TMEM41B: variants seen among roughly 807,000 people sequenced by gnomAD.
TMEM41B encodes the protein protein stasimon.
TMEM41B carries 18 observed loss-of-function variants against 31.9 expected under a neutral mutation model. That is an observed-to-expected ratio of 0.56 (90% CI 0.39 to 0.84). The LOEUF (loss-of-function observed/expected upper bound fraction) is 0.84, where lower values mean the gene tolerates loss of function less well. Among genes scored for constraint, TMEM41B ranks in the 40% least tolerant of loss-of-function variants. TMEM41B has a pLI of 0.00. For synonymous variants in TMEM41B, 144 were observed against 124.3 expected (o/e 1.16, Z -1.05); for missense variants, 322 against 348.0 (o/e 0.93, Z 0.59).
intron 6 of TMEM41B, among the ~76,000 whole-genome samples, chr11:9,284,290 C>A (rs79654259): frequency 6.6e-6 from 1 of 151,784 alleles, no homozygotes; most frequent in Non-Finnish European, 1.5e-5. Flanking sequence ...GGACTACAGG[C>A]GTGTACCACC....
chr11:9,308,070 GAC>G (rs913480319), intron 1 of TMEM41B, among the ~76,000 whole-genome samples: 2 of 152,118 alleles, frequency 1.3e-5, no homozygotes, highest in African/African-American at 4.8e-5. Context: ...ACAGAGGCGA[GAC>G]ACAGTGGCTC....
intron 2 of TMEM41B, among the ~76,000 whole-genome samples, chr11:9,296,440 A>G (rs1374989037): frequency 6.6e-6 from 1 of 151,700 alleles, no homozygotes. Flanking sequence ...AGCCTGGCAA[A>G]CGTGTTGAAA....
Position 9,312,588 on chromosome 11 carries a change from T to C in TMEM41B, c.121+1733A>G, listed in dbSNP as rs1228919261. On this transcript the variant is annotated intron_variant, in intron 1 of 6. Coordinates refer to ENST00000528080, the MANE Select transcript of TMEM41B (RefSeq NM_015012.4). ...TGTCTTCCTATAGATTTGTGATCTA[T>C]AGATGTCATGGGACAGCATCATAAG... Among the ~76,000 whole-genome samples, 3 of 152,288 alleles carry C rather than the reference T, an allele frequency of 2.0e-5. No individual in the cohort carries two copies. The East Asian group carries it at 5.8e-4, about 29-fold the overall frequency.
intron 4 of TMEM41B, 140 bp from the exon 5 acceptor site, chr11:9,287,946 G>A: frequency 1.5e-6 from 1 of 677,142 alleles, no homozygotes; most frequent in Non-Finnish European, 2.5e-6. Flanking sequence ...CTTGTGCAGA[G>A]ATGATCTAGT....
Position 9,287,682 on chromosome 11 carries a change from A to G in TMEM41B, c.567+20T>C. On this transcript the variant is annotated intron_variant, in intron 5 of 6. Transcript: ENST00000528080. ...AATTAACAAAGAGTTACATCAAATA[A>G]TTTAAAAATACATGTTTACCTGCTG... The G allele has an allele frequency of 6.4e-7, 1 of 1,553,130 alleles. No homozygotes were observed. Among genetic ancestry groups the G allele is most frequent in the Non-Finnish European group, 8.8e-7 (1 of 1,133,610 alleles).
At chr11:9,289,265 G>A (rs11042265) in intron 3 of TMEM41B, among the ~76,000 whole-genome samples, 59,733 of 151,826 alleles carry the variant, frequency 0.39, 12,619 homozygotes, top group East Asian at 0.49. Flanking sequence ...CCAAAGTGTT[G>A]AGGTTACAGA....
intron 6 of TMEM41B, among the ~76,000 whole-genome samples, chr11:9,285,723 A>C (rs1852820924): frequency 6.6e-6 from 1 of 152,048 alleles, no homozygotes; most frequent in South Asian, 2.1e-4. Context: ...AAAAGGAAAA[A>C]TAGGATCAAT....
At chr11:9,299,163 C>T (rs1191016469) in intron 2 of TMEM41B, among the ~76,000 whole-genome samples, 1 of 151,420 alleles carries the variant, frequency 6.6e-6, no homozygotes, top group Non-Finnish European at 1.5e-5. Context: ...CCCCTATAAT[C>T]CCAGCTACTC....
intron 5 of TMEM41B, 103 bp downstream of exon 5, chr11:9,287,599 A>G: frequency 1.4e-6 from 1 of 694,212 alleles, no homozygotes; most frequent in Non-Finnish European, 2.3e-6. Flanking sequence ...TTAGGAATTA[A>G]TTTATGTTGG....
intron 2 of TMEM41B, 124 bp downstream of exon 2, chr11:9,299,460 C>A: frequency 1.5e-6 from 1 of 661,246 alleles, no homozygotes; most frequent in South Asian, 2.0e-5. Flanking sequence ...TGGACTCAAC[C>A]AATCCACCCA....
intron 1 of TMEM41B, among the ~76,000 whole-genome samples, chr11:9,309,214 C>T (rs1235704446): frequency 6.6e-6 from 1 of 151,436 alleles, no homozygotes; most frequent in Non-Finnish European, 1.5e-5. Context: ...CCATTGCACT[C>T]CAGCCTGGGC....
chr11:9,299,613 C>T lies in TMEM41B; in HGVS notation c.210G>A (p.Leu70=). The T allele has an allele frequency of 6.2e-7, 1 of 1,612,166 alleles. No individual in the cohort carries two copies. Among genetic ancestry groups the T allele is most frequent in the South Asian group, 1.1e-5 (1 of 90,842 alleles). ...IFLSAAFVMF[L]VYKNFPQLSE... is the part of the protein sequence containing the mutation. The stretch of plus-strand genomic sequence containing the variant: ...TAAGCTGAGGAAAATTTTTATATAC[C>T]AAAAACATAACAAAAGCTGCAGATA... The change falls in exon 2 of 7, where the codon TTG becomes TTA. Residue 70 remains leucine (L), a synonymous_variant. Coordinates refer to ENST00000528080, the MANE Select transcript of TMEM41B (RefSeq NM_015012.4).
intron 1 of TMEM41B, chr11:9,311,183 G>C (rs776416309): frequency 2.5e-4 from 338 of 1,330,320 alleles, no homozygotes; most frequent in Non-Finnish European, 3.2e-4. Context: ...GGTGTGGGGA[G>C]CACAAGGGCT....
chr11:9,304,801 G>T (rs1853343496), intron 1 of TMEM41B, among the ~76,000 whole-genome samples: 1 of 152,064 alleles, frequency 6.6e-6, no homozygotes, highest in African/African-American at 2.4e-5. Flanking sequence ...GGGACTACAG[G>T]CACACGCCAC....
intron 1 of TMEM41B, among the ~76,000 whole-genome samples, chr11:9,313,561 G>A (rs1853614385): frequency 6.6e-6 from 1 of 152,174 alleles, no homozygotes; most frequent in South Asian, 2.1e-4. Flanking sequence ...TATAGAGGCA[G>A]TAGGAATAAA....
rs191170279 is a variant in TMEM41B at position 9,300,683 on chromosome 11, C to A, written c.122-982G>T. On this transcript the variant is annotated intron_variant, in intron 1 of 6. Transcript: ENST00000528080. Reference sequence around the variant, plus strand: ...CATGAGGTCAGGAGATCGAGACCATCCTGGCTAACATGGTGAAACCCCGTC... The same window carrying A: ...CATGAGGTCAGGAGATCGAGACCATACTGGCTAACATGGTGAAACCCCGTC... Among the ~76,000 whole-genome samples the A allele has an allele frequency of 1.9e-3, 287 of 151,976 alleles. 8 individuals are homozygous for A. The highest frequency in any genetic ancestry group is 0.017 in the Admixed American group (254 of 15,242).
intron 2 of TMEM41B, among the ~76,000 whole-genome samples, chr11:9,296,342 G>A (rs1356560586): frequency 6.6e-6 from 1 of 151,802 alleles, no homozygotes; most frequent in African/African-American, 2.4e-5. Context: ...ATGAACCACT[G>A]GCCAGGCACA....
Position 9,283,209 on chromosome 11 carries a change from T to C in TMEM41B, c.*215A>G, listed in dbSNP as rs1852761366. On this transcript the variant is annotated 3_prime_UTR_variant, in exon 7 of 7. Transcript: ENST00000528080. ...TATAAGATGTCTAAGATGTCTACCT[T>C]AACTATTGATAGCACTTTTCACAGT... is the stretch of plus-strand genomic sequence containing the variant. 2.4e-6 allele frequency: 1 copy of C among 421,890 alleles called. No homozygotes were observed. The highest frequency in any genetic ancestry group is 2.1e-5 in the African/African-American group (1 of 48,548). 26.1% of individuals were successfully genotyped at this position (421,890 alleles called of 1,614,324 possible).
At chr11:9,305,936 C>T (rs1853379626) in intron 1 of TMEM41B, among the ~76,000 whole-genome samples, 1 of 150,688 alleles carries the variant, frequency 6.6e-6, no homozygotes, top group Non-Finnish European at 1.5e-5. Flanking sequence ...ACATTACACA[C>T]ATGTGCCTTT....
Sources: gnomAD v4.1 joint callset for allele counts (sites outside exome capture counted in the v4.1 genomes callset) on GRCh38, gnomAD v4.1.1 for gene constraint, MANE v1.5 for transcripts, NCBI Gene and HGNC (gene_info 2026-07-23, HGNC 2026-07-21) for gene names.